Variants in DRC7 observed in about 807,000 individuals in gnomAD.
DRC7 encodes dynein regulatory complex subunit 7.
In DRC7, 80 loss-of-function variants were observed where a neutral mutation model predicts 104.4. The observed-to-expected ratio is 0.77, with a 90% CI of 0.64 to 0.92. The LOEUF is 0.92. Among genes scored for constraint, DRC7 ranks in the 40% least tolerant of loss-of-function variants. The pLI is 0.00. For missense variants in DRC7, 1,034 were observed against 1,141.1 expected (o/e 0.91, Z 1.35); for synonymous variants, 405 against 447.3 (o/e 0.91, Z 1.19).
Position 57,731,232 on chromosome 16 carries a change from G to A in DRC7, c.2599G>A (p.Gly867Arg), listed in dbSNP as rs1597818494. The A allele has an allele frequency of 6.2e-7, 1 of 1,613,498 alleles. No individual in the cohort carries two copies. The highest frequency in any genetic ancestry group is 1.1e-5 in the South Asian group (1 of 91,090). Residue 867 changes from glycine to arginine, a missense_variant, in exon 19 of 19, where the codon GGG (glycine) becomes AGG (arginine). By Grantham distance (125) the Gly-to-Arg change is moderately radical. Transcript: ENST00000360716. The stretch of plus-strand genomic sequence containing the variant: ...AAAGCTCTACAAGGACCCACGCCTG[G>A]GGGAGCTCCAGAAAATATTCGCTTG... ...EEKLYKDPRL[G>R]ELQKIFA
At position 57,699,279 on chromosome 16, in the gene DRC7, C is replaced by T. The variant is rs113497206; in HGVS notation, c.378+255C>T. On this transcript the variant is annotated intron_variant, in intron 4 of 18. Transcript: ENST00000360716. ...CTAAAGAGGCAGCTGCTGATTGCTG[C>T]GGGGAAACTGCAGGCCTGGGGTTAC... 9.0e-3 allele frequency among the ~76,000 whole-genome samples: 1,374 copies of T among 152,294 alleles called. 20 individuals are homozygous for T. Among genetic ancestry groups the T allele is most frequent in the African/African-American group, 0.03 (1,231 of 41,550 alleles).
Position 57,707,513 on chromosome 16 carries a change from G to C in DRC7, c.912G>C (p.Trp304Cys). ...DALHGLRVHSWVLVLSGKREV... is the reference protein window; with the variant it reads ...DALHGLRVHSCVLVLSGKREV... The stretch of plus-strand genomic sequence containing the variant: ...TGCACGGCCTGCGGGTGCACTCCTG[G>C]GTCCTTGTGCTATCGGGGAAGCGCG... The change falls in exon 8 of 19, where the codon TGG becomes TGC. Residue 304 changes from tryptophan (W) to cysteine (C), a missense_variant. Trp to Cys is a radical substitution (Grantham distance 215, BLOSUM62 -2). Transcript: ENST00000360716. 1 of 1,613,444 alleles carries C rather than the reference G, an allele frequency of 6.2e-7. No homozygotes were observed. Among genetic ancestry groups the C allele is most frequent in the Non-Finnish European group, 8.5e-7 (1 of 1,180,014 alleles).
intron 8 of DRC7, among the ~76,000 whole-genome samples, chr16:57,717,999 T>C (rs1283683231): frequency 6.6e-6 from 1 of 152,224 alleles, no homozygotes; most frequent in African/African-American, 2.4e-5. Context: ...TTTGTTTTCA[T>C]TGGCTCTAAG....
chr16:57,707,505 C>G lies in DRC7; in HGVS notation c.904C>G (p.His302Asp). 5.6e-6 allele frequency: 9 copies of G among 1,613,386 alleles called. No individual in the cohort carries two copies. Among genetic ancestry groups the G allele is most frequent in the Non-Finnish European group, 7.6e-6 (9 of 1,180,002 alleles). The change falls in exon 8 of 19, where the codon CAC becomes GAC. Residue 302 changes from histidine to aspartate, a missense_variant. Physicochemically the swap from His to Asp is moderately conservative, Grantham distance 81. Coordinates refer to ENST00000360716, the MANE Select transcript of DRC7 (RefSeq NM_001289162.2). Reference sequence around the variant, plus strand: ...GGATGCCCTGCACGGCCTGCGGGTGCACTCCTGGGTCCTTGTGCTATCGGG... The same window carrying G: ...GGATGCCCTGCACGGCCTGCGGGTGGACTCCTGGGTCCTTGTGCTATCGGG... Reference protein sequence around the residue: ...KPDALHGLRVHSWVLVLSGKR... With the variant: ...KPDALHGLRVDSWVLVLSGKR...
At chr16:57,715,476 C>T (rs2048832831) in intron 8 of DRC7, among the ~76,000 whole-genome samples, 1 of 152,208 alleles carries the variant, frequency 6.6e-6, no homozygotes, top group South Asian at 2.1e-4. Flanking sequence ...GCCGGTTGCT[C>T]TGTCTTTGTG....
At chr16:57,720,240 C>G (rs1217951998) in intron 9 of DRC7, among the ~76,000 whole-genome samples, 2 of 152,222 alleles carry the variant, frequency 1.3e-5, no homozygotes, top group Admixed American at 1.3e-4. Context: ...TGGTAAGTGA[C>G]AGAGCTGGGA....
chr16:57,728,463 A>G lies in DRC7; in HGVS notation c.2270A>G (p.Gln757Arg). The stretch of plus-strand genomic sequence containing the variant: ...GACTACCTGGCCCCATTCCTGGCCC[A>G]GCTCCCGCCAGGAGAGAAACTAACA... ...QLDYLAPFLA[Q>R]LPPGEKLTCW... The change falls in exon 17 of 19, where the codon CAG (glutamine) becomes CGG (arginine). Residue 757 changes from glutamine to arginine, a missense_variant. By Grantham distance (43) the Gln-to-Arg change is conservative. Transcript: ENST00000360716. 1 of 1,612,306 alleles carries G rather than the reference A, an allele frequency of 6.2e-7. No homozygotes were observed. Among genetic ancestry groups the G allele is most frequent in the South Asian group, 1.1e-5 (1 of 91,006 alleles).
intron 11 of DRC7, 52 bp downstream of exon 11, chr16:57,722,893 G>C (rs760208698): frequency 6.2e-7 from 1 of 1,612,376 alleles, no homozygotes; most frequent in Admixed American, 1.7e-5. Context: ...GGGCGGGGGC[G>C]GCTTCTACTC....
intron 3 of DRC7, 105 bp from the exon 4 acceptor site, chr16:57,698,745 G>A (rs557836800): frequency 4.6e-4 from 485 of 1,047,410 alleles, no homozygotes; most frequent in Non-Finnish European, 6.3e-4. Context: ...CTCAGTAGCC[G>A]TGAGGATTAA....
intron 8 of DRC7, 90 bp downstream of exon 8, chr16:57,707,768 G>T: frequency 8.3e-7 from 1 of 1,203,474 alleles, no homozygotes; most frequent in Non-Finnish European, 1.2e-6. Context: ...ACCTTGGGGA[G>T]AGCGAGACAC....
At chr16:57,706,132 T>C (rs1365046347) in intron 7 of DRC7, among the ~76,000 whole-genome samples, 32 of 87,598 alleles carry the variant, frequency 3.7e-4, no homozygotes, top group African/African-American at 4.1e-4. Context: ...ATCCATCCAT[T>C]CTCCCATCTT....
intron 8 of DRC7, among the ~76,000 whole-genome samples, chr16:57,711,364 G>C (rs1426288509): frequency 6.6e-6 from 1 of 152,240 alleles, no homozygotes; most frequent in Admixed American, 6.5e-5. Context: ...AATCTGGTTA[G>C]AGGTTTATCA....
rs2048866257 is a variant in DRC7, at chr16:57,718,307, C to G, written c.1078-40C>G. The stretch of plus-strand genomic sequence containing the variant: ...CATGGATCAGGTGGGGACGTGGTGG[C>G]TGTGGGGTACACTCAGTTGACTGCC... On this transcript the variant is annotated intron_variant, in intron 8 of 18. Coordinates refer to ENST00000360716, the MANE Select transcript of DRC7 (RefSeq NM_001289162.2). 7 of 1,605,654 alleles carry G rather than the reference C, an allele frequency of 4.4e-6. No individual in the cohort carries two copies. In the African/African-American group the frequency reaches 6.7e-5, roughly 15 times the overall value.
intron 6 of DRC7, 150 bp from the exon 7 acceptor site, chr16:57,704,726 C>A (rs2048693628): frequency 1.4e-6 from 1 of 735,520 alleles, no homozygotes; most frequent in Non-Finnish European, 2.2e-6. Flanking sequence ...GGAGCTGGAG[C>A]TGCATTTAGA....
chr16:57,712,622 A>T (rs1248973174), intron 8 of DRC7, among the ~76,000 whole-genome samples: 1 of 149,750 alleles, frequency 6.7e-6, no homozygotes, highest in African/African-American at 2.5e-5. Context: ...ACTTTTTTCT[A>T]GTTTCTTAAG....
chr16:57,714,681 C>T (rs1231439838), intron 8 of DRC7: 4 of 215,932 alleles, frequency 1.9e-5, no homozygotes, highest in African/African-American at 2.7e-5. Context: ...AGGTTTCTAT[C>T]GGGAATGAAA....
intron 11 of DRC7, 62 bp downstream of exon 11, chr16:57,722,903 C>T (rs2048919863): frequency 6.2e-7 from 1 of 1,612,486 alleles, no homozygotes; most frequent in East Asian, 2.2e-5. Context: ...GGCTTCTACT[C>T]TCTCTGGGGT....
chr16:57,726,820 T>C lies in DRC7; in HGVS notation c.1975-12T>C, dbSNP rs1372351828. On this transcript the variant is annotated splice_polypyrimidine_tract_variant and intron_variant, in intron 14 of 18. Coordinates refer to ENST00000360716, the MANE Select transcript of DRC7 (RefSeq NM_001289162.2). ...CAGCCTCTCTGTGTTACTAAGGTGGTTGTTGTCCCAGGTGGAGCCCATGGA... is the reference window on the plus strand; with the variant it reads ...CAGCCTCTCTGTGTTACTAAGGTGGCTGTTGTCCCAGGTGGAGCCCATGGA... 2.5e-6 allele frequency: 4 copies of C among 1,580,876 alleles called. No homozygotes were observed. Among genetic ancestry groups the C allele is most frequent in the Non-Finnish European group, 3.5e-6 (4 of 1,152,814 alleles).
rs201876462 is a variant in DRC7 at position 57,731,084 on chromosome 16, G to A, written c.2531+14G>A. 35 of 1,613,628 alleles carry A rather than the reference G, an allele frequency of 2.2e-5. No homozygotes were observed. Among genetic ancestry groups the A allele is most frequent in the Non-Finnish European group, 2.7e-5 (32 of 1,179,966 alleles). On this transcript the variant is annotated intron_variant, in intron 18 of 18. Coordinates refer to ENST00000360716, the MANE Select transcript of DRC7 (RefSeq NM_001289162.2). The stretch of plus-strand genomic sequence containing the variant: ...GCGCCTCAATCGGTGAGCAGGCAGG[G>A]CAGGTGGAGAGAACCCACTGGGAGG...
Sources: gnomAD v4.1 joint callset for allele counts (sites outside exome capture counted in the v4.1 genomes callset) on GRCh38, gnomAD v4.1.1 for gene constraint, MANE v1.5 for transcripts, NCBI Gene and HGNC (gene_info 2026-07-23, HGNC 2026-07-21) for gene names.